Variants in ADGRB1 observed in about 807,000 individuals in gnomAD.
The protein encoded by ADGRB1 is adhesion G protein-coupled receptor B1.
ADGRB1 carries 36 observed loss-of-function variants against 175.7 expected under a neutral mutation model. The observed-to-expected ratio is 0.20, with a 90% CI of 0.16 to 0.27. ADGRB1 has a LOEUF of 0.27. ADGRB1 is among the 10% of genes least tolerant of loss of function. ADGRB1 has a pLI of 1.00. For missense variants in ADGRB1, 1,731 were observed against 2,255.3 expected, an observed-to-expected ratio of 0.77 and a Z score of 4.71; for synonymous variants, 1,054 against 979.4, an observed-to-expected ratio of 1.08 and a Z score of -1.42.
chr8:142,489,716 A>G (rs1841893497), intron 16 of ADGRB1, among the ~76,000 whole-genome samples: 1 of 152,088 alleles, frequency 6.6e-6, no homozygotes, highest in Admixed American at 6.5e-5. Flanking sequence ...TGGCCTGGTC[A>G]TTCCGCTTCT....
intron 2 of ADGRB1, among the ~76,000 whole-genome samples, chr8:142,465,433 G>A (rs1840222718): frequency 6.6e-6 from 1 of 152,184 alleles, no homozygotes; most frequent in South Asian, 2.1e-4. Flanking sequence ...GAGCCTCTGG[G>A]GCTGGATGAT....
At chr8:142,514,446 C>T (rs998827480) in intron 18 of ADGRB1, among the ~76,000 whole-genome samples, 12 of 152,162 alleles carry the variant, frequency 7.9e-5, no homozygotes, top group East Asian at 1.9e-4. Flanking sequence ...ACCTGTGAGG[C>T]GGATGATGCC....
intron 17 of ADGRB1, among the ~76,000 whole-genome samples, chr8:142,505,818 C>T (rs533545683): frequency 2.6e-5 from 4 of 152,192 alleles, no homozygotes; most frequent in East Asian, 1.9e-4. Flanking sequence ...GCCAGGGGCA[C>T]GGGTGGTGGC....
chr8:142,490,682 A>G, intron 16 of ADGRB1, 90 bp from the exon 17 acceptor site: 2 of 1,424,720 alleles, frequency 1.4e-6, no homozygotes, highest in African/African-American at 1.4e-5. Flanking sequence ...CATGCCTGGT[A>G]GCACACCTTT....
chr8:142,535,502 G>A (rs1160986173), intron 25 of ADGRB1, among the ~76,000 whole-genome samples: 1 of 152,198 alleles, frequency 6.6e-6, no homozygotes, highest in Non-Finnish European at 1.5e-5. Flanking sequence ...TGGTAGCAAG[G>A]GGCCTTGCCT....
intron 1 of ADGRB1, among the ~76,000 whole-genome samples, chr8:142,458,171 G>A (rs1216332794): frequency 6.6e-6 from 1 of 152,200 alleles, no homozygotes; most frequent in Non-Finnish European, 1.5e-5. Flanking sequence ...TCTGTCCAGT[G>A]TGGACTGGAC....
chr8:142,478,616 T>G (rs1317671680), intron 7 of ADGRB1, among the ~76,000 whole-genome samples: 14 of 66,044 alleles, frequency 2.1e-4, no homozygotes, highest in South Asian at 1.5e-3. Flanking sequence ...GGGAGAGGAG[T>G]GGGGTGCACA....
chr8:142,528,109 C>G (rs1844327004), intron 24 of ADGRB1, among the ~76,000 whole-genome samples: 1 of 152,218 alleles, frequency 6.6e-6, no homozygotes, highest in Non-Finnish European at 1.5e-5. Context: ...GTACACCGGT[C>G]TATGTGTGCA....
At position 142,544,263 on chromosome 8, in the gene ADGRB1, T is replaced by C; in HGVS notation, c.4601T>C (p.Leu1534Pro). 1.3e-6 allele frequency: 2 copies of C among 1,548,712 alleles called. No homozygotes were observed. Among genetic ancestry groups the C allele is most frequent in the Non-Finnish European group, 8.7e-7 (1 of 1,146,576 alleles). Reference sequence around the variant, plus strand: ...CCCAACAAGAGGCCCTGGGAGAGCCTCCGGAAAGCCCACGGGACGCCCACG... The same window carrying C: ...CCCAACAAGAGGCCCTGGGAGAGCCCCCGGAAAGCCCACGGGACGCCCACG... ...QTPNKRPWES[L>P]RKAHGTPTWV... Residue 1534 changes from leucine (L) to proline (P), a missense_variant, in exon 31 of 31, where the codon CTC becomes CCC. Physicochemically the swap from Leu to Pro is moderately conservative, Grantham distance 98. Coordinates refer to ENST00000517894, the MANE Select transcript of ADGRB1 (RefSeq NM_001702.3).
rs745494691 is a variant in ADGRB1 at position 142,511,968 on chromosome 8, G to C, written c.2817+895G>C. On this transcript the variant is annotated intron_variant, in intron 18 of 30. Transcript: ENST00000517894. The surrounding 1 kb of genome is among the most constrained non-coding windows in gnomAD (Gnocchi z 4.5). Reference sequence around the variant, plus strand: ...CCTGGGTGTTGGAGGTGGCATTGCTGGCCCTTGGGGAACCCCGGGTTCGAT... The same window carrying C: ...CCTGGGTGTTGGAGGTGGCATTGCTCGCCCTTGGGGAACCCCGGGTTCGAT... Among the ~76,000 whole-genome samples, 56 of 152,226 alleles carry C rather than the reference G, an allele frequency of 3.7e-4. No individual in the cohort carries two copies. The highest frequency in any genetic ancestry group is 7.2e-4 in the Non-Finnish European group (49 of 68,024).
intron 2 of ADGRB1, among the ~76,000 whole-genome samples, chr8:142,465,605 C>A (rs183769825): frequency 6.6e-6 from 1 of 152,170 alleles, no homozygotes; most frequent in Non-Finnish European, 1.5e-5. Context: ...CCCTCCAGAG[C>A]CCTGCTCTCA....
chr8:142,492,949 G>T lies in ADGRB1; in HGVS notation c.2675+2134G>T, dbSNP rs929062040. On this transcript the variant is annotated intron_variant, in intron 17 of 30. Coordinates refer to ENST00000517894, the MANE Select transcript of ADGRB1 (RefSeq NM_001702.3). The surrounding 1 kb of genome is among the most constrained non-coding windows in gnomAD (Gnocchi z 4.4). ...TGTTCGCCGGCCGCGGCAGCTCTCG[G>T]GGGGCTGCGCCCTGGTTCACTCAAC... Among the ~76,000 whole-genome samples, 1 of 152,020 alleles carries T rather than the reference G, an allele frequency of 6.6e-6. No individual in the cohort carries two copies. Among genetic ancestry groups the T allele is most frequent in the African/African-American group, 2.4e-5 (1 of 41,438 alleles).
intron 25 of ADGRB1, among the ~76,000 whole-genome samples, chr8:142,535,672 C>T (rs1163385476): frequency 6.6e-6 from 1 of 152,180 alleles, no homozygotes; most frequent in Non-Finnish European, 1.5e-5. Flanking sequence ...GAGGCTGGGG[C>T]CTCCTGGGCT....
intron 26 of ADGRB1, among the ~76,000 whole-genome samples, chr8:142,538,378 ACGTC>A (rs930962238): frequency 7.2e-5 from 11 of 152,222 alleles, no homozygotes; most frequent in Admixed American, 3.9e-4. Flanking sequence ...CTCTTGGGTG[ACGTC>A]CAGGCAGGCC....
At chr8:142,469,306 T>G (rs1413206437) in intron 2 of ADGRB1, among the ~76,000 whole-genome samples, 1 of 151,222 alleles carries the variant, frequency 6.6e-6, no homozygotes, top group African/African-American at 2.4e-5. Flanking sequence ...CGCGTGCATG[T>G]GTGAATGTAA....
chr8:142,480,112 C>T (rs1841249102), intron 9 of ADGRB1, among the ~76,000 whole-genome samples: 1 of 152,206 alleles, frequency 6.6e-6, no homozygotes. Context: ...AATGCCCTTG[C>T]CCGGGGCTTG....
Position 142,484,981 on chromosome 8 carries a change from C to A in ADGRB1, c.2308+217C>A, listed in dbSNP as rs546825409. On this transcript the variant is annotated intron_variant, in intron 13 of 30. Coordinates refer to ENST00000517894, the MANE Select transcript of ADGRB1 (RefSeq NM_001702.3). Reference sequence around the variant, plus strand: ...GAGACACAGCCCACGGGGTGTGGACCTGGGAGCTCCGTCCCCAACCAGCGC... The same window carrying A: ...GAGACACAGCCCACGGGGTGTGGACATGGGAGCTCCGTCCCCAACCAGCGC... Among the ~76,000 whole-genome samples, 23 of 152,304 alleles carry A rather than the reference C, an allele frequency of 1.5e-4. 1 individual carries two copies. The highest frequency in any genetic ancestry group is 5.5e-4 in the African/African-American group (23 of 41,566).
chr8:142,507,578 G>A (rs1842906518), intron 17 of ADGRB1, among the ~76,000 whole-genome samples: 1 of 152,226 alleles, frequency 6.6e-6, no homozygotes, highest in African/African-American at 2.4e-5. Context: ...CTGGGGGCCG[G>A]GTGCTGGCTC....
chr8:142,483,876 G>A, intron 11 of ADGRB1, 101 bp from the exon 12 acceptor site: 1 of 1,260,132 alleles, frequency 7.9e-7, no homozygotes, highest in East Asian at 2.3e-5. Context: ...CACATATTCA[G>A]CCCTGACCCT....
Sources: gnomAD v4.1 joint callset for allele counts (sites outside exome capture counted in the v4.1 genomes callset) on GRCh38, gnomAD v4.1.1 for gene constraint, Gnocchi (gnomAD v3.1) non-coding constraint, MANE v1.5 for transcripts, NCBI Gene and HGNC (gene_info 2026-07-23, HGNC 2026-07-21) for gene names.